Variants in FRMPD1 observed in about 807,000 individuals in gnomAD.
The protein encoded by FRMPD1 is FERM and PDZ domain-containing protein 1.
Under a neutral mutation model 117.8 loss-of-function variants are expected in FRMPD1, and 76 were observed. The ratio of observed to expected loss-of-function variants is 0.65; its 90% CI spans 0.54 to 0.78. The LOEUF is 0.78. Among genes scored for constraint, FRMPD1 ranks in the 30% least tolerant of loss-of-function variants. The probability of loss-of-function intolerance (pLI) is 0.00; values close to 1 mark genes in which losing one functional copy is unlikely to be tolerated. For missense variants in FRMPD1, 1,786 were observed against 1,964.5 expected, an observed-to-expected ratio of 0.91 and a Z score of 1.72; for synonymous variants, 783 against 770.4, an observed-to-expected ratio of 1.02 and a Z score of -0.27.
At chr9:37,726,538 T>C (rs1405301519) in intron 7 of FRMPD1, among the ~76,000 whole-genome samples, 1 of 151,726 alleles carries the variant, frequency 6.6e-6, no homozygotes, top group East Asian at 1.9e-4. Flanking sequence ...TCTCTACTAA[T>C]AATACAAAAA....
chr9:37,745,639 G>A lies in FRMPD1; in HGVS notation c.3607G>A (p.Glu1203Lys). Residue 1203 changes from glutamate (E) to lysine (K), a missense_variant, in exon 16 of 16, where the codon GAG (glutamate) becomes AAG (lysine). Transcript: ENST00000377765. ...GGCTCAAGAACAAAAACTATTCGTAGAGTTGGATTTAGACCCTGATTTCTT... is the reference window on the plus strand; with the variant it reads ...GGCTCAAGAACAAAAACTATTCGTAAAGTTGGATTTAGACCCTGATTTCTT... ...CQAQEQKLFV[E>K]LDLDPDFFLG... 1.2e-6 allele frequency: 2 copies of A among 1,614,182 alleles called. No individual in the cohort carries two copies. Among genetic ancestry groups the A allele is most frequent in the Non-Finnish European group, 1.7e-6 (2 of 1,180,040 alleles).
Position 37,675,954 on chromosome 9 carries a change from A to G in FRMPD1, c.-4-16684A>G, listed in dbSNP as rs77235965. ...TGTAAAGCTTTGATTCTCTTCTGAG[A>G]GATCATCTCTCTAATCCTTAAAAGA... On this transcript the variant is annotated intron_variant, in intron 1 of 15. Coordinates refer to ENST00000377765, the MANE Select transcript of FRMPD1 (RefSeq NM_014907.3). 6.0e-3 allele frequency among the ~76,000 whole-genome samples: 916 copies of G among 152,326 alleles called. 20 individuals carry two copies. Among genetic ancestry groups the G allele is most frequent in the Admixed American group, 0.04 (615 of 15,298 alleles).
At chr9:37,673,648 T>C (rs1821430757) in intron 1 of FRMPD1, among the ~76,000 whole-genome samples, 1 of 152,264 alleles carries the variant, frequency 6.6e-6, no homozygotes, top group African/African-American at 2.4e-5. Context: ...CAGCAAACTT[T>C]TGCCTGGGCA....
chr9:37,722,565 G>A lies in FRMPD1; in HGVS notation c.517-1660G>A, dbSNP rs138460732. On this transcript the variant is annotated intron_variant, in intron 6 of 15. Coordinates refer to ENST00000377765, the MANE Select transcript of FRMPD1 (RefSeq NM_014907.3). ...TGGGACTATGGGTGTGTGCCACCAC[G>A]CCCGGCTAATTTTTGCATTTTTAGT... is the stretch of plus-strand genomic sequence containing the variant. 2.4e-3 allele frequency among the ~76,000 whole-genome samples: 370 copies of A among 152,110 alleles called. 4 individuals are homozygous for A. Among genetic ancestry groups the A allele is most frequent in the African/African-American group, 8.3e-3 (346 of 41,478 alleles).
intron 5 of FRMPD1, among the ~76,000 whole-genome samples, chr9:37,714,450 C>T (rs1441916174): frequency 3.9e-5 from 6 of 152,126 alleles, no homozygotes; most frequent in East Asian, 1.9e-4. Flanking sequence ...AAGAGAGGAA[C>T]GTGCTCTGGA....
At chr9:37,716,154 C>G (rs557391295) in intron 5 of FRMPD1, among the ~76,000 whole-genome samples, 9 of 152,244 alleles carry the variant, frequency 5.9e-5, no homozygotes, top group African/African-American at 2.2e-4. Flanking sequence ...TAGTAAAGCC[C>G]AAGATTGGGT....
At chr9:37,716,719 C>G (rs1823136275) in intron 5 of FRMPD1, among the ~76,000 whole-genome samples, 1 of 152,160 alleles carries the variant, frequency 6.6e-6, no homozygotes, top group African/African-American at 2.4e-5. Flanking sequence ...CTCACTTTAT[C>G]TTGTTCCCTG....
rs73445179 is a variant in FRMPD1, at chr9:37,729,455, G to A, written c.613-273G>A. On this transcript the variant is annotated intron_variant, in intron 7 of 15. Coordinates refer to ENST00000377765, the MANE Select transcript of FRMPD1 (RefSeq NM_014907.3). ...GAGAGAGAATAAGTCTAGGGACATA[G>A]GAGAGAGGCAGAAACCTCCACTGGA... Among the ~76,000 whole-genome samples, 928 of 149,806 alleles carry A rather than the reference G, an allele frequency of 6.2e-3. 11 individuals are homozygous for A. Among genetic ancestry groups the A allele is most frequent in the African/African-American group, 0.022 (889 of 40,936 alleles).
At chr9:37,659,275 G>A (rs1247345833) in intron 1 of FRMPD1, among the ~76,000 whole-genome samples, 2 of 152,054 alleles carry the variant, frequency 1.3e-5, no homozygotes, top group East Asian at 3.9e-4. Context: ...AGCTCTCCAG[G>A]GTCACTGGCC....
chr9:37,724,563 G>T (rs1370126935), intron 7 of FRMPD1, among the ~76,000 whole-genome samples: 1 of 152,044 alleles, frequency 6.6e-6, no homozygotes, highest in Admixed American at 6.5e-5. Context: ...TTAGAGAGAT[G>T]AAGTGACTTG....
intron 2 of FRMPD1, among the ~76,000 whole-genome samples, chr9:37,700,377 C>T (rs1822489006): frequency 6.6e-6 from 1 of 152,200 alleles, no homozygotes; most frequent in African/African-American, 2.4e-5. Context: ...AGACTGATGC[C>T]TCTATTTCTG....
At chr9:37,722,981 C>G (rs557723521) in intron 6 of FRMPD1, among the ~76,000 whole-genome samples, 4 of 152,250 alleles carry the variant, frequency 2.6e-5, no homozygotes, top group Non-Finnish European at 4.4e-5. Flanking sequence ...TGGGGCCACC[C>G]AACACAGACC....
At chr9:37,654,800 C>T (rs990736380) in intron 1 of FRMPD1, among the ~76,000 whole-genome samples, 7 of 152,220 alleles carry the variant, frequency 4.6e-5, no homozygotes, top group African/African-American at 1.2e-4. Flanking sequence ...GACTCAAGAG[C>T]AGGCTCTCTG....
chr9:37,626,625 A>G, the FRMPD1 span, among the ~76,000 whole-genome samples: 10 of 132,194 alleles, frequency 7.6e-5, no homozygotes, highest in Non-Finnish European at 1.5e-4. Flanking sequence ...GGTATCTGAA[A>G]AAAAAAAAAA....
At chr9:37,643,964 T>C in the FRMPD1 span, among the ~76,000 whole-genome samples, 2 of 152,136 alleles carry the variant, frequency 1.3e-5, no homozygotes, top group Non-Finnish European at 2.9e-5. Context: ...GGGCATCTGG[T>C]GGAGAGGATT....
the FRMPD1 span, among the ~76,000 whole-genome samples, chr9:37,615,991 A>G: frequency 6.6e-6 from 1 of 151,092 alleles, no homozygotes; most frequent in East Asian, 2.0e-4. Context: ...TTTTTTGTGT[A>G]TTTTTAGTAG....
At chr9:37,711,533 C>T in intron 5 of FRMPD1, 138 bp downstream of exon 5, 2 of 717,714 alleles carry the variant, frequency 2.8e-6, no homozygotes, top group Admixed American at 2.0e-5. Context: ...AGTGGGTGGC[C>T]AGTCAGTCCA....
At chr9:37,688,795 G>C (rs1822035503) in intron 1 of FRMPD1, among the ~76,000 whole-genome samples, 1 of 151,974 alleles carries the variant, frequency 6.6e-6, no homozygotes, top group Admixed American at 6.5e-5. Context: ...TTTTAATTAA[G>C]AAACATCTAT....
intron 2 of FRMPD1, among the ~76,000 whole-genome samples, chr9:37,698,408 G>A (rs1822404211): frequency 1.3e-5 from 2 of 152,010 alleles, no homozygotes; most frequent in South Asian, 4.2e-4. Flanking sequence ...CTCCTTTATT[G>A]TATGTGAAAT....
Sources: allele counts gnomAD v4.1 joint callset (sites outside exome capture counted in the v4.1 genomes callset), GRCh38; gene constraint gnomAD v4.1.1; transcripts MANE v1.5; gene names NCBI Gene and HGNC (gene_info 2026-07-23, HGNC 2026-07-21).